LIMD1: variants seen among roughly 807,000 people sequenced by gnomAD.
LIMD1 encodes LIM domain-containing protein 1.
A neutral mutation model predicts 58.4 loss-of-function variants in LIMD1; 23 were observed. That is an observed-to-expected ratio of 0.39 (90% CI 0.28 to 0.56). The LOEUF is 0.56. LIMD1 is among the 20% of genes least tolerant of loss of function. The pLI is 0.57. For synonymous variants in LIMD1, 334 were observed against 345.5 expected (o/e 0.97, Z 0.37); for missense variants, 838 against 855.5 (o/e 0.98, Z 0.25).
intron 1 of LIMD1, among the ~76,000 whole-genome samples, chr3:45,612,180 G>A (rs566585793): frequency 6.6e-6 from 1 of 152,036 alleles, no homozygotes; most frequent in South Asian, 2.1e-4. Context: ...GGCTTCCTGG[G>A]CTCAAGCAAT....
intron 2 of LIMD1, among the ~76,000 whole-genome samples, chr3:45,660,192 T>C (rs937655122): frequency 1.3e-5 from 2 of 152,164 alleles, no homozygotes; most frequent in African/African-American, 2.4e-5. Flanking sequence ...CTGCGCCGTT[T>C]CCTGGTGGCC....
intron 2 of LIMD1, 67 bp from the exon 3 acceptor site, chr3:45,665,581 CTT>C (rs1180014687): frequency 7.7e-7 from 1 of 1,305,316 alleles, no homozygotes; most frequent in African/African-American, 1.5e-5. Flanking sequence ...TTGCTTTTCA[CTT>C]TTCACTTTTT....
intron 3 of LIMD1, 51 bp downstream of exon 3, chr3:45,665,768 G>T: frequency 6.5e-7 from 1 of 1,540,598 alleles, no homozygotes; most frequent in South Asian, 1.1e-5. Flanking sequence ...AGAGTCAGAG[G>T]GCAGGGGCCT....
intron 3 of LIMD1, among the ~76,000 whole-genome samples, chr3:45,667,732 G>C (rs1325555824): frequency 6.6e-6 from 1 of 151,940 alleles, no homozygotes; most frequent in African/African-American, 2.4e-5. Context: ...CTTACCCTTT[G>C]TTGGCTGTGT....
At chr3:45,656,217 T>C (rs939729783) in intron 2 of LIMD1, among the ~76,000 whole-genome samples, 9 of 148,960 alleles carry the variant, frequency 6.0e-5, no homozygotes, top group Non-Finnish European at 1.4e-4. Flanking sequence ...GAGAAATAAA[T>C]GTCTATTGTT....
chr3:45,662,276 A>AGTGTGTGTGT (rs139596165), intron 2 of LIMD1, among the ~76,000 whole-genome samples: 4 of 111,508 alleles, frequency 3.6e-5, no homozygotes, highest in East Asian at 4.0e-4. Flanking sequence ...GTTTCACCTA[A>AGTGTGTGTGT]GTGTGTGTGT....
intron 1 of LIMD1, among the ~76,000 whole-genome samples, chr3:45,596,996 G>A (rs1701363408): frequency 6.6e-6 from 1 of 151,148 alleles, no homozygotes; most frequent in African/African-American, 2.4e-5. Flanking sequence ...TGAGTAGCTG[G>A]GACTACAGGC....
chr3:45,674,274 C>T (rs559539564), intron 6 of LIMD1, 69 bp from the exon 7 acceptor site: 16 of 1,234,194 alleles, frequency 1.3e-5, no homozygotes, highest in Admixed American at 6.9e-5. Context: ...CCCCACCCCA[C>T]GGTACATCAA....
At chr3:45,617,701 T>G (rs1040168064) in intron 1 of LIMD1, among the ~76,000 whole-genome samples, 6 of 152,242 alleles carry the variant, frequency 3.9e-5, no homozygotes, top group African/African-American at 1.4e-4. Context: ...TTTCTGTTTG[T>G]TCTAAGGAGA....
chr3:45,606,158 A>C (rs753509013), intron 1 of LIMD1, among the ~76,000 whole-genome samples: 2 of 152,216 alleles, frequency 1.3e-5, no homozygotes, highest in Non-Finnish European at 2.9e-5. Context: ...TCCTCCCAAC[A>C]ACCCTACTTT....
rs545105929 is a variant in LIMD1 at position 45,595,557 on chromosome 3, C to T, written c.678C>T (p.Pro226=). The change falls in exon 1 of 8, where the codon CCC becomes CCT. Residue 226 remains proline (P), a synonymous_variant. Transcript: ENST00000273317. ...PPLPKPCGDH[P]LNHRQLSLSS... ...TGCCCAAACCCTGCGGGGACCATCC[C>T]CTAAATCACCGACAGCTCTCCCTGA... The T allele has an allele frequency of 3.1e-6, 5 of 1,614,106 alleles. No homozygotes were observed. The highest frequency in any genetic ancestry group is 2.2e-5 in the East Asian group (1 of 44,876).
chr3:45,659,945 C>T (rs1054851236), intron 2 of LIMD1, among the ~76,000 whole-genome samples: 2 of 152,180 alleles, frequency 1.3e-5, no homozygotes, highest in African/African-American at 4.8e-5. Flanking sequence ...CTTTGTTGAT[C>T]TCCTGGATGA....
intron 1 of LIMD1, among the ~76,000 whole-genome samples, chr3:45,603,608 T>C (rs1160608865): frequency 2.0e-5 from 3 of 152,214 alleles, no homozygotes; most frequent in African/African-American, 7.2e-5. Context: ...TCTCTGGCCC[T>C]GCAGATGCAC....
At chr3:45,633,484 TG>T (rs991009191) in intron 1 of LIMD1, among the ~76,000 whole-genome samples, 2 of 152,228 alleles carry the variant, frequency 1.3e-5, no homozygotes, top group African/African-American at 4.8e-5. Context: ...GGGGTGAAGT[TG>T]CTGCCTGCAA....
intron 1 of LIMD1, among the ~76,000 whole-genome samples, chr3:45,600,018 G>T: frequency 6.6e-6 from 1 of 152,206 alleles, no homozygotes; most frequent in Non-Finnish European, 1.5e-5. Context: ...CTTGTCGGTA[G>T]CCTGAGGAGG....
chr3:45,622,948 G>A (rs1701640394), intron 1 of LIMD1, among the ~76,000 whole-genome samples: 2 of 152,260 alleles, frequency 1.3e-5, no homozygotes, highest in South Asian at 2.1e-4. Context: ...GATTACAGGC[G>A]TGAGCCACCG....
intron 1 of LIMD1, among the ~76,000 whole-genome samples, chr3:45,635,380 G>A (rs938201314): frequency 6.6e-6 from 1 of 151,968 alleles, no homozygotes. Context: ...GTGAACAGAA[G>A]GGCAGGAGTA....
At chr3:45,610,972 T>A (rs1205522828) in intron 1 of LIMD1, among the ~76,000 whole-genome samples, 1 of 152,228 alleles carries the variant, frequency 6.6e-6, no homozygotes, top group Non-Finnish European at 1.5e-5. Context: ...GTTTCACCTA[T>A]TTTTACTTCC....
chr3:45,661,212 G>GA (rs1404841903), intron 2 of LIMD1, among the ~76,000 whole-genome samples: 1 of 152,016 alleles, frequency 6.6e-6, no homozygotes, highest in Non-Finnish European at 1.5e-5. Flanking sequence ...ATTATTGCAG[G>GA]AAAAAATGGT....
Sources: gnomAD v4.1 joint callset for allele counts (sites outside exome capture counted in the v4.1 genomes callset) on GRCh38, gnomAD v4.1.1 for gene constraint, MANE v1.5 for transcripts, NCBI Gene and HGNC (gene_info 2026-07-23, HGNC 2026-07-21) for gene names.